The following PRKCA variants were observed in gnomAD, a reference collection of about 807,000 sequenced individuals.
The protein encoded by PRKCA is protein kinase C alpha, also known as protein kinase C alpha type.
A neutral mutation model predicts 87.0 loss-of-function variants in PRKCA; 27 were observed. The observed-to-expected ratio is 0.31, with a 90% CI of 0.23 to 0.43. PRKCA has a LOEUF of 0.43. Among genes scored for constraint, PRKCA ranks in the 20% least tolerant of loss-of-function variants. PRKCA has a pLI of 1.00. For missense variants in PRKCA, 518 were observed against 852.3 expected (o/e 0.61, Z 4.88); for synonymous variants, 329 against 311.1 (o/e 1.06, Z -0.61).
chr17:66,385,245 C>T (rs1019178737), intron 2 of PRKCA, among the ~76,000 whole-genome samples: 2 of 152,164 alleles, frequency 1.3e-5, no homozygotes, highest in Admixed American at 1.3e-4. Context: ...AGCCCATCAA[C>T]CTAGAGTTGA....
chr17:66,804,121 G>GC lies in PRKCA; in HGVS notation c.*86dup. The GC allele has an allele frequency of 6.6e-7, 1 of 1,514,866 alleles. No individual in the cohort carries two copies. Among genetic ancestry groups the GC allele is most frequent in the Non-Finnish European group, 8.8e-7 (1 of 1,130,772 alleles). 93.8% of individuals were successfully genotyped at this position (1,514,866 alleles called of 1,614,324 possible). On this transcript the variant is annotated 3_prime_UTR_variant, in exon 17 of 17. Coordinates refer to ENST00000413366, the MANE Select transcript of PRKCA (RefSeq NM_002737.3). Reference sequence around the variant, plus strand: ...GAATCCTTAACCCTAAAATTTTAAGGCCACGGCCTTGTGTCTGATTCCATA... The same window carrying GC: ...GAATCCTTAACCCTAAAATTTTAAGGCCCACGGCCTTGTGTCTGATTCCATA...
At chr17:66,578,214 C>G (rs1033307212) in intron 3 of PRKCA, among the ~76,000 whole-genome samples, 20 of 147,390 alleles carry the variant, frequency 1.4e-4, no homozygotes, top group Non-Finnish European at 1.5e-5. Context: ...GTCCCAGGGT[C>G]GGGGCATCCA....
chr17:66,572,945 T>C (rs1478565979), intron 3 of PRKCA, among the ~76,000 whole-genome samples: 2 of 152,228 alleles, frequency 1.3e-5, no homozygotes, highest in Admixed American at 6.5e-5. Context: ...GGGGAGGCCC[T>C]TACTTTCAAA....
intron 3 of PRKCA, chr17:66,554,681 C>T (rs922012581): frequency 3.2e-6 from 1 of 316,908 alleles, no homozygotes; most frequent in Non-Finnish European, 4.6e-6. Flanking sequence ...GTTATGACAT[C>T]CACTGCCCCA....
intron 2 of PRKCA, among the ~76,000 whole-genome samples, chr17:66,375,419 G>A (rs1328756617): frequency 6.6e-6 from 1 of 152,154 alleles, no homozygotes; most frequent in Non-Finnish European, 1.5e-5. Context: ...AGTGATGGAT[G>A]CTTCATTCTT....
At position 66,688,331 on chromosome 17, in the gene PRKCA, G is replaced by A. The variant is rs2144035372; in HGVS notation, c.716G>A (p.Arg239Gln). 1 of 1,614,134 alleles carries A rather than the reference G, an allele frequency of 6.2e-7. No homozygotes were observed. Among genetic ancestry groups the A allele is most frequent in the African/African-American group, 1.3e-5 (1 of 75,042 alleles). ...TTGAAACCTTCAGACAAAGACCGAC[G>A]ACTGTCTGTAGAAATCTGGGACTGG... ...FKLKPSDKDR[R>Q]LSVEIWDWDR... is the part of the protein sequence containing the mutation. The change falls in exon 7 of 17, where the codon CGA becomes CAA. Residue 239 changes from arginine to glutamine, a missense_variant. This residue lies in a region of PRKCA where 300 missense variants were observed against 496.8 expected (regional missense o/e 0.60). Coordinates refer to ENST00000413366, the MANE Select transcript of PRKCA (RefSeq NM_002737.3).
chr17:66,722,896 C>A (rs974153094), intron 8 of PRKCA, among the ~76,000 whole-genome samples: 19 of 152,236 alleles, frequency 1.2e-4, no homozygotes, highest in African/African-American at 4.6e-4. Flanking sequence ...CACAACATTA[C>A]ATATTGTAGT....
intron 3 of PRKCA, among the ~76,000 whole-genome samples, chr17:66,618,152 C>T (rs1055652942): frequency 3.9e-5 from 6 of 152,098 alleles, no homozygotes; most frequent in East Asian, 1.9e-4. Flanking sequence ...GTCAGGAGTT[C>T]GAGACCAGCC....
intron 3 of PRKCA, among the ~76,000 whole-genome samples, chr17:66,590,182 G>T (rs568943847): frequency 2.7e-4 from 41 of 152,232 alleles, no homozygotes; most frequent in Middle Eastern, 3.4e-3. Flanking sequence ...GAGGAGGTTG[G>T]TCTCCAGTTT....
chr17:66,561,209 G>A (rs984526360), intron 3 of PRKCA, among the ~76,000 whole-genome samples: 20 of 152,172 alleles, frequency 1.3e-4, no homozygotes, highest in African/African-American at 4.6e-4. Flanking sequence ...GCTTTCACAT[G>A]CTTTTTAATT....
intron 4 of PRKCA, among the ~76,000 whole-genome samples, chr17:66,642,265 G>A (rs1419313419): frequency 6.6e-6 from 1 of 151,944 alleles, no homozygotes; most frequent in Non-Finnish European, 1.5e-5. Flanking sequence ...GAGTAGCTGG[G>A]ACTACAGGCC....
chr17:66,375,598 C>A (rs925468058), intron 2 of PRKCA, among the ~76,000 whole-genome samples: 3 of 152,172 alleles, frequency 2.0e-5, no homozygotes, highest in Non-Finnish European at 2.9e-5. Context: ...CCCCAGGTTT[C>A]TTTCACAGGC....
At chr17:66,688,814 T>C (rs545150643) in intron 7 of PRKCA, 137 bp from the exon 8 acceptor site, 1 of 658,672 alleles carries the variant, frequency 1.5e-6, no homozygotes, top group African/African-American at 1.9e-5. Context: ...AATATAAAAA[T>C]GTAAAAAAAG....
intron 2 of PRKCA, among the ~76,000 whole-genome samples, chr17:66,406,376 G>A (rs1221208586): frequency 2.6e-5 from 4 of 152,122 alleles, no homozygotes; most frequent in African/African-American, 9.7e-5. Flanking sequence ...GATCCCCATT[G>A]TACAGATGCT....
intron 2 of PRKCA, among the ~76,000 whole-genome samples, chr17:66,486,040 A>G (rs538165339): frequency 1.2e-4 from 18 of 152,286 alleles, no homozygotes; most frequent in African/African-American, 4.1e-4. Flanking sequence ...CAAGTGAGGA[A>G]GGCTTTATGC....
At chr17:66,786,741 C>G in intron 14 of PRKCA, 126 bp from the exon 15 acceptor site, 1 of 645,446 alleles carries the variant, frequency 1.5e-6, no homozygotes. Flanking sequence ...GCTGAGCAAA[C>G]TGTGCAGCCT....
intron 14 of PRKCA, among the ~76,000 whole-genome samples, chr17:66,779,123 C>T (rs540507906): frequency 1.2e-4 from 18 of 152,228 alleles, no homozygotes; most frequent in African/African-American, 2.9e-4. Flanking sequence ...ACCCAGCAAA[C>T]GGAATAGATG....
chr17:66,424,568 A>AACACACACACACAC (rs141074503), intron 2 of PRKCA, among the ~76,000 whole-genome samples: 25,189 of 141,810 alleles, frequency 0.18, 2,692 homozygotes, highest in Non-Finnish European at 0.24. Flanking sequence ...CCCTGTCTCA[A>AACACACACACACAC]ACACACACAC....
intron 8 of PRKCA, among the ~76,000 whole-genome samples, chr17:66,713,384 T>C (rs1455204519): frequency 2.6e-5 from 4 of 152,108 alleles, no homozygotes; most frequent in Admixed American, 6.5e-5. Flanking sequence ...CGGGCCCCAG[T>C]TGGGAGACCC....
Sources: allele counts gnomAD v4.1 joint callset (sites outside exome capture counted in the v4.1 genomes callset), GRCh38; gene constraint gnomAD v4.1.1; regional missense constraint gnomAD v4.1.1; transcripts MANE v1.5; gene names NCBI Gene and HGNC (gene_info 2026-07-23, HGNC 2026-07-21).